Variants in NEDD4L observed in about 807,000 individuals in gnomAD.
NEDD4L encodes the protein E3 ubiquitin-protein ligase NEDD4-like.
Under a neutral mutation model 148.9 loss-of-function variants are expected in NEDD4L, and 54 were observed. The observed-to-expected ratio is 0.36, with a 90% CI of 0.29 to 0.45. The LOEUF is 0.45. Ranked by LOEUF, NEDD4L falls within the 20% of genes least tolerant of loss-of-function variation. The probability of loss-of-function intolerance (pLI) is 1.00; values close to 1 mark genes in which losing one functional copy is unlikely to be tolerated. For synonymous variants in NEDD4L, 433 were observed against 440.7 expected (o/e 0.98, Z 0.22); for missense variants, 856 against 1,233.8 (o/e 0.69, Z 4.59).
chr18:58,266,100 A>G (rs1385895063), intron 5 of NEDD4L, among the ~76,000 whole-genome samples: 1 of 152,124 alleles, frequency 6.6e-6, no homozygotes, highest in Non-Finnish European at 1.5e-5. Context: ...AAAGGGAAAT[A>G]TAAACCATAT....
In NEDD4L at chr18:58,063,853, C is replaced by T. The variant is rs539217172; in HGVS notation, c.48+19145C>T. ...ACAGGCGTGAGCCACTGTGCCCAGC[C>T]GTAGTGCAGTATTTTTAAGCTTCGG... On this transcript the variant is annotated intron_variant, in intron 1 of 30. Coordinates refer to ENST00000400345, the MANE Select transcript of NEDD4L (RefSeq NM_001144967.3). 1.6e-4 allele frequency among the ~76,000 whole-genome samples: 25 copies of T among 151,668 alleles called. No homozygotes were observed. In the South Asian group the frequency reaches 2.7e-3, roughly 16 times the overall value.
intron 21 of NEDD4L, among the ~76,000 whole-genome samples, 196 bp from the exon 22 acceptor site, chr18:58,367,550 G>A (rs552085767): frequency 3.3e-5 from 5 of 152,322 alleles, no homozygotes; most frequent in Non-Finnish European, 7.3e-5. Context: ...TGACTTTAGA[G>A]GGCACATGCG....
intron 9 of NEDD4L, 27 bp from the exon 10 acceptor site, chr18:58,328,968 C>T (rs968467133): frequency 3.1e-6 from 5 of 1,613,676 alleles, no homozygotes; most frequent in East Asian, 2.2e-5. Context: ...TTCTCTTCTT[C>T]TCTTTCCCCC....
intron 5 of NEDD4L, among the ~76,000 whole-genome samples, chr18:58,261,819 C>T (rs536817284): frequency 5.9e-5 from 9 of 152,074 alleles, no homozygotes; most frequent in South Asian, 2.1e-4. Context: ...TTACTGTGGG[C>T]GATACAGGTT....
At chr18:58,323,568 A>G (rs1019565392) in intron 8 of NEDD4L, among the ~76,000 whole-genome samples, 1 of 152,216 alleles carries the variant, frequency 6.6e-6, no homozygotes, top group Non-Finnish European at 1.5e-5. Flanking sequence ...AGACAATGCC[A>G]TGCCTATTCC....
chr18:58,236,285 A>C (rs941261084), intron 2 of NEDD4L, among the ~76,000 whole-genome samples: 4 of 151,908 alleles, frequency 2.6e-5, no homozygotes, highest in African/African-American at 9.7e-5. Flanking sequence ...TGAGCCCAGG[A>C]GGTCGAGGCT....
At chr18:58,265,168 G>A (rs1260153985) in intron 5 of NEDD4L, among the ~76,000 whole-genome samples, 4 of 152,054 alleles carry the variant, frequency 2.6e-5, no homozygotes, top group African/African-American at 9.7e-5. Flanking sequence ...GCCAGTGGGA[G>A]GGGCCTCATT....
chr18:58,248,619 A>T (rs931341422), intron 3 of NEDD4L, among the ~76,000 whole-genome samples: 4 of 152,116 alleles, frequency 2.6e-5, no homozygotes. Context: ...TCTTGAAGAA[A>T]TTTTTTATAT....
At position 58,195,422 on chromosome 18, in the gene NEDD4L, C is replaced by T. The variant is rs1599580331; in HGVS notation, c.122+29561C>T. ...TGTTCCCCACATTTGAATTTGCTCCCGATTCGAGAGAGGCAGGCATCCGCG... is the reference window on the plus strand; with the variant it reads ...TGTTCCCCACATTTGAATTTGCTCCTGATTCGAGAGAGGCAGGCATCCGCG... On this transcript the variant is annotated intron_variant, in intron 2 of 30. Transcript: ENST00000400345. 8 of 1,300,112 alleles carry T rather than the reference C, an allele frequency of 6.2e-6. 1 individual carries two copies. The highest frequency in any genetic ancestry group is 4.1e-5 in the Admixed American group (2 of 48,218). 80.5% of individuals were successfully genotyped at this position (1,300,112 alleles called of 1,614,324 possible).
At chr18:58,185,199 C>G (rs201969703) in intron 2 of NEDD4L, among the ~76,000 whole-genome samples, 1 of 152,242 alleles carries the variant, frequency 6.6e-6, no homozygotes, top group South Asian at 2.1e-4. Flanking sequence ...TAATTGTGAT[C>G]GGACCGTGGG....
intron 1 of NEDD4L, chr18:58,047,156 C>A: frequency 1.4e-6 from 1 of 728,122 alleles, no homozygotes; most frequent in Non-Finnish European, 1.7e-6. Context: ...GTTGTTCTTC[C>A]AAGGCGTATT....
intron 2 of NEDD4L, among the ~76,000 whole-genome samples, chr18:58,179,430 C>G (rs1249766401): frequency 6.6e-6 from 1 of 152,200 alleles, no homozygotes; most frequent in African/African-American, 2.4e-5. Context: ...CCTTTACTCT[C>G]TCATCCTTCC....
chr18:58,165,989 G>A (rs2036801770), intron 2 of NEDD4L, 128 bp downstream of exon 2: 1 of 736,600 alleles, frequency 1.4e-6, no homozygotes, highest in Non-Finnish European at 2.3e-6. Context: ...CACCTGCAGG[G>A]ATTCTGATTT....
At chr18:58,359,671 A>G (rs767040680) in intron 19 of NEDD4L, among the ~76,000 whole-genome samples, 7 of 151,864 alleles carry the variant, frequency 4.6e-5, no homozygotes, top group Non-Finnish European at 1.0e-4. Context: ...GTGAGTTTTG[A>G]TCTTAGTGAA....
rs1179154632 is a variant in NEDD4L, at chr18:58,396,248, A to G, written c.2907A>G (p.Gln969=). Residue 969 remains glutamine, a synonymous_variant, in exon 31 of 31, where the codon CAA becomes CAG. Transcript: ENST00000400345. The part of the protein sequence containing the change: ...EKLLMAVENA[Q]GFEGVD The stretch of plus-strand genomic sequence containing the variant: ...TTCTCATGGCCGTGGAAAATGCTCA[A>G]GGATTTGAAGGGGTGGATTAAGCAC... The G allele has an allele frequency of 6.2e-7, 1 of 1,612,528 alleles. No individual in the cohort carries two copies. Among genetic ancestry groups the G allele is most frequent in the East Asian group, 2.2e-5 (1 of 44,862 alleles).
intron 1 of NEDD4L, among the ~76,000 whole-genome samples, chr18:58,131,685 G>T (rs761431762): frequency 1.3e-5 from 2 of 151,968 alleles, no homozygotes; most frequent in African/African-American, 4.8e-5. Flanking sequence ...GTTTGGTTGT[G>T]ATCTAGTGGA....
At chr18:58,057,941 A>G (rs897555095) in intron 1 of NEDD4L, among the ~76,000 whole-genome samples, 2 of 152,152 alleles carry the variant, frequency 1.3e-5, no homozygotes, top group South Asian at 4.2e-4. Flanking sequence ...ACTTCCCCAC[A>G]CTGGGATTGT....
intron 5 of NEDD4L, among the ~76,000 whole-genome samples, chr18:58,292,257 C>T (rs2054869578): frequency 6.6e-6 from 1 of 152,152 alleles, no homozygotes; most frequent in Non-Finnish European, 1.5e-5. Context: ...GTGGTCCTTC[C>T]ACCTCAGCGT....
intron 5 of NEDD4L, among the ~76,000 whole-genome samples, chr18:58,254,938 T>C (rs182624520): frequency 6.8e-4 from 104 of 152,356 alleles, no homozygotes; most frequent in Non-Finnish European, 5.1e-4. Flanking sequence ...TTTATAGTAC[T>C]GTTTTATTAG....
Sources: allele counts gnomAD v4.1 joint callset (sites outside exome capture counted in the v4.1 genomes callset), GRCh38; gene constraint gnomAD v4.1.1; transcripts MANE v1.5; gene names NCBI Gene and HGNC (gene_info 2026-07-23, HGNC 2026-07-21).